PTPRE: variants seen among roughly 807,000 people sequenced by gnomAD.
PTPRE encodes protein tyrosine phosphatase receptor type E.
In PTPRE, 51 loss-of-function variants were observed where a neutral mutation model predicts 102.0. That is an observed-to-expected ratio of 0.50 (90% CI 0.40 to 0.63). PTPRE has a LOEUF of 0.63. PTPRE is among the 30% of genes least tolerant of loss of function. The pLI, the probability that PTPRE is intolerant of heterozygous loss-of-function variation, is 0.00. For missense variants in PTPRE, 752 were observed against 915.1 expected (o/e 0.82, Z 2.30); for synonymous variants, 345 against 348.2 (o/e 0.99, Z 0.10).
intron 1 of PTPRE, among the ~76,000 whole-genome samples, chr10:127,962,784 T>C (rs866824110): frequency 6.6e-6 from 1 of 152,186 alleles, no homozygotes; most frequent in Non-Finnish European, 1.5e-5. Context: ...AGGCCGGGGA[T>C]GCAGCGGAAC....
intron 1 of PTPRE, among the ~76,000 whole-genome samples, chr10:127,916,544 G>A (rs1232249225): frequency 1.3e-5 from 2 of 152,152 alleles, no homozygotes; most frequent in Non-Finnish European, 2.9e-5. Context: ...ACTAATACAA[G>A]CAGGCTTGGT....
chr10:128,060,907 A>G (rs780360815), intron 7 of PTPRE, 32 bp from the exon 8 acceptor site: 1 of 1,595,964 alleles, frequency 6.3e-7, no homozygotes, highest in Non-Finnish European at 8.6e-7. Context: ...CCTGGTCCTA[A>G]TATCTTGGCT....
intron 2 of PTPRE, among the ~76,000 whole-genome samples, chr10:127,996,433 C>T (rs1288097222): frequency 6.6e-6 from 1 of 152,198 alleles, no homozygotes; most frequent in African/African-American, 2.4e-5. Flanking sequence ...GCCATTTTTC[C>T]AGAATCATAC....
At chr10:128,010,940 G>A (rs1293462476) in intron 2 of PTPRE, among the ~76,000 whole-genome samples, 6 of 152,178 alleles carry the variant, frequency 3.9e-5, no homozygotes, top group Non-Finnish European at 8.8e-5. Flanking sequence ...TAAGCGGAAG[G>A]CAGGCAGAAG....
At chr10:127,961,275 G>A (rs1849788638) in intron 1 of PTPRE, among the ~76,000 whole-genome samples, 2 of 152,204 alleles carry the variant, frequency 1.3e-5, no homozygotes, top group Non-Finnish European at 2.9e-5. Flanking sequence ...ATTTCCTATG[G>A]TTGTTGGTGA....
chr10:128,076,794 G>T (rs151260208), intron 18 of PTPRE, 66 bp downstream of exon 18: 1 of 1,590,558 alleles, frequency 6.3e-7, no homozygotes, highest in Non-Finnish European at 8.6e-7. Flanking sequence ...TCTGGGTTCT[G>T]CTTGTCATTG....
chr10:128,015,825 A>G (rs1166512809), intron 2 of PTPRE, among the ~76,000 whole-genome samples: 1 of 152,180 alleles, frequency 6.6e-6, no homozygotes, highest in African/African-American at 2.4e-5. Context: ...ACTAATAAAT[A>G]AAAGGGGAGA....
intron 2 of PTPRE, among the ~76,000 whole-genome samples, chr10:127,995,056 C>T (rs1274921067): frequency 6.6e-6 from 1 of 152,078 alleles, no homozygotes; most frequent in Non-Finnish European, 1.5e-5. Flanking sequence ...GTGTCGCCCA[C>T]CAAAAAAAGT....
intron 8 of PTPRE, 132 bp downstream of exon 8, chr10:128,061,147 G>A (rs761318952): frequency 2.9e-5 from 22 of 765,792 alleles, no homozygotes; most frequent in South Asian, 1.2e-4. Flanking sequence ...CAAAGGGTAC[G>A]GAACTGCCCG....
chr10:128,015,273 G>A (rs1293227204), intron 2 of PTPRE, among the ~76,000 whole-genome samples: 2 of 152,184 alleles, frequency 1.3e-5, no homozygotes, highest in East Asian at 1.9e-4. Flanking sequence ...GCCGGGCCTC[G>A]TGGCTCACGC....
intron 16 of PTPRE, among the ~76,000 whole-genome samples, chr10:128,072,915 CAGA>C (rs1242580416): frequency 2.0e-5 from 3 of 152,256 alleles, no homozygotes; most frequent in East Asian, 1.9e-4. Context: ...GTGGAGTTCG[CAGA>C]AGAAGGGCAA....
chr10:128,065,798 G>A lies in PTPRE; in HGVS notation c.724-277G>A, dbSNP rs1018678009. On this transcript the variant is annotated intron_variant, in intron 10 of 20. Coordinates refer to ENST00000254667, the MANE Select transcript of PTPRE (RefSeq NM_006504.6). The stretch of plus-strand genomic sequence containing the variant: ...CTGGTTGATGGTCAGTTAATAAAAT[G>A]TATGGGATTCGTGAATGAATGAAGA... 3.9e-5 allele frequency among the ~76,000 whole-genome samples: 6 copies of A among 152,330 alleles called. No individual in the cohort carries two copies. The East Asian group carries it at 1.2e-3, about 29-fold the overall frequency.
At chr10:127,937,108 A>G (rs1481482277) in intron 1 of PTPRE, among the ~76,000 whole-genome samples, 1 of 152,186 alleles carries the variant, frequency 6.6e-6, no homozygotes, top group Non-Finnish European at 1.5e-5. Flanking sequence ...TGGACAATAA[A>G]TAAATCCAAG....
chr10:128,009,566 C>T (rs1844800634), intron 2 of PTPRE, among the ~76,000 whole-genome samples: 1 of 152,158 alleles, frequency 6.6e-6, no homozygotes, highest in African/African-American at 2.4e-5. Flanking sequence ...AGCGAGGTCA[C>T]TATTGTGCCT....
At chr10:127,939,575 C>A (rs932235516) in intron 1 of PTPRE, among the ~76,000 whole-genome samples, 3 of 152,050 alleles carry the variant, frequency 2.0e-5, no homozygotes, top group Admixed American at 1.3e-4. Context: ...AAAACATGTT[C>A]CAGTCTAGTT....
chr10:127,933,342 A>C (rs908243871), intron 1 of PTPRE, among the ~76,000 whole-genome samples: 3 of 152,238 alleles, frequency 2.0e-5, no homozygotes, highest in Admixed American at 2.0e-4. Context: ...TCCATTTCAG[A>C]GACAATATGT....
chr10:127,917,966 G>A (rs1846322357), intron 1 of PTPRE, among the ~76,000 whole-genome samples: 1 of 152,044 alleles, frequency 6.6e-6, no homozygotes, highest in Non-Finnish European at 1.5e-5. Flanking sequence ...TGACACAGAG[G>A]TTGCAGTGAG....
At chr10:128,074,624 G>T (rs141150679) in intron 17 of PTPRE, among the ~76,000 whole-genome samples, 3 of 151,518 alleles carry the variant, frequency 2.0e-5, no homozygotes, top group African/African-American at 7.3e-5. Flanking sequence ...CTGAGATCGC[G>T]CCATTGCACT....
chr10:127,942,913 A>G (rs932054559), intron 1 of PTPRE, among the ~76,000 whole-genome samples: 3 of 152,198 alleles, frequency 2.0e-5, no homozygotes, highest in Admixed American at 1.3e-4. Flanking sequence ...AAACTCATAC[A>G]AGAGCAGGAA....
Sources: allele counts gnomAD v4.1 joint callset (sites outside exome capture counted in the v4.1 genomes callset), GRCh38; gene constraint gnomAD v4.1.1; transcripts MANE v1.5; gene names NCBI Gene and HGNC (gene_info 2026-07-23, HGNC 2026-07-21).